SEC61A2: variants seen among roughly 807,000 people sequenced by gnomAD.
The protein encoded by SEC61A2 is SEC61 translocon subunit alpha 2, also known as protein transport protein Sec61 subunit alpha isoform 2.
A neutral mutation model predicts 59.9 loss-of-function variants in SEC61A2; 28 were observed. The observed-to-expected ratio is 0.47, with a 90% CI of 0.35 to 0.64. SEC61A2 has a LOEUF of 0.64. Ranked by LOEUF, SEC61A2 falls within the 30% of genes least tolerant of loss-of-function variation. The pLI, the probability that SEC61A2 is intolerant of heterozygous loss-of-function variation, is 0.01. For synonymous variants in SEC61A2, 202 were observed against 214.4 expected, an observed-to-expected ratio of 0.94 and a Z score of 0.50; for missense variants, 340 against 585.9, an observed-to-expected ratio of 0.58 and a Z score of 4.33.
rs1237561498 is a variant in SEC61A2, at chr10:12,161,217, C to T, written c.1167+96C>T. 13 of 938,718 alleles carry T rather than the reference C, an allele frequency of 1.4e-5. No individual in the cohort carries two copies. The highest frequency in any genetic ancestry group is 8.2e-5 in the Admixed American group (3 of 36,678). 58.1% of individuals were successfully genotyped at this position (938,718 alleles called of 1,614,324 possible). A position where few individuals can be genotyped will look rare whatever the true frequency, so the allele number is the denominator to read the frequency against. ...CTTTGGCAGGCTGAGGCCGCTGGATCGCTTCACCTCAGGAGTTTTGAGACC... is the reference window on the plus strand; with the variant it reads ...CTTTGGCAGGCTGAGGCCGCTGGATTGCTTCACCTCAGGAGTTTTGAGACC... On this transcript the variant is annotated intron_variant, in intron 10 of 11. Transcript: ENST00000298428. The surrounding 1 kb of genome is among the most constrained non-coding windows in gnomAD (Gnocchi z 5.4).
At chr10:12,133,200 C>T (rs1177959413) in intron 1 of SEC61A2, 41 bp from the exon 2 acceptor site, 1 of 1,010,696 alleles carries the variant, frequency 9.9e-7, no homozygotes, top group African/African-American at 1.6e-5. Flanking sequence ...CTTTTTTTAA[C>T]TTCATAATAA....
rs1455319481 is a variant in SEC61A2, at chr10:12,162,642, G to GT, written c.1244+354dup. On this transcript the variant is annotated intron_variant, in intron 11 of 11. Coordinates refer to ENST00000298428, the MANE Select transcript of SEC61A2 (RefSeq NM_018144.4). The surrounding 1 kb of genome is among the most constrained non-coding windows in gnomAD (Gnocchi z 6.1). ...CCAGGCATCAGGGTTTTATTTTTTGGTAACAGCTTTATTGAGATAAAATTC... is the reference window on the plus strand; with the variant it reads ...CCAGGCATCAGGGTTTTATTTTTTGGTTAACAGCTTTATTGAGATAAAATTC... 6.6e-6 allele frequency among the ~76,000 whole-genome samples: 1 copy of GT among 152,062 alleles called. No individual in the cohort carries two copies. Among genetic ancestry groups the GT allele is most frequent in the Admixed American group, 6.5e-5 (1 of 15,270 alleles).
chr10:12,149,979 T>C lies in SEC61A2; in HGVS notation c.462+18T>C, dbSNP rs1358486266. 6.5e-6 allele frequency: 10 copies of C among 1,527,498 alleles called. No individual in the cohort carries two copies. In the Middle Eastern group the frequency reaches 5.1e-4, roughly 77 times the overall value. The allele number at this position is 1,527,498 out of a possible 1,614,324, so 94.6% of individuals were successfully genotyped here. A position where few individuals can be genotyped will look rare whatever the true frequency, so the allele number is the denominator to read the frequency against. ...TCATTCAGGTAAGAAATCCTATATT[T>C]TCCTATGCAGATAACAAAACAGTTT... is the stretch of plus-strand genomic sequence containing the variant. On this transcript the variant is annotated intron_variant, in intron 6 of 11. Transcript: ENST00000298428. The surrounding 1 kb of genome is among the most constrained non-coding windows in gnomAD (Gnocchi z 5.2).
chr10:12,165,093 C>T lies in SEC61A2; in HGVS notation c.*639C>T. ...TCCTCCTTTTCCTTCTCCTCCTCCT[C>T]TCTTCCCAGTGACAGCATCATCGTG... is the stretch of plus-strand genomic sequence containing the variant. On this transcript the variant is annotated 3_prime_UTR_variant, in exon 12 of 12. Coordinates refer to ENST00000298428, the MANE Select transcript of SEC61A2 (RefSeq NM_018144.4). The T allele has an allele frequency of 1.0e-6, 1 of 986,886 alleles. No individual in the cohort carries two copies. Among genetic ancestry groups the T allele is most frequent in the Non-Finnish European group, 1.2e-6 (1 of 830,432 alleles). 61.1% of individuals were successfully genotyped at this position (986,886 alleles called of 1,614,324 possible). A position where few individuals can be genotyped will look rare whatever the true frequency, so the allele number is the denominator to read the frequency against.
At chr10:12,163,736 G>C (rs1834590558) in intron 11 of SEC61A2, among the ~76,000 whole-genome samples, 1 of 152,090 alleles carries the variant, frequency 6.6e-6, no homozygotes, top group Non-Finnish European at 1.5e-5. Flanking sequence ...AGACTGCAGA[G>C]TAGTATGATG....
chr10:12,167,499 T>C, downstream of SEC61A2: 9 of 523,296 alleles, frequency 1.7e-5, no homozygotes, highest in Admixed American at 2.9e-4. Context: ...TCTTTGTTAA[T>C]TTTAGCTGGA....
chr10:12,166,141 G>T (rs1834681205), downstream of SEC61A2: 1 of 151,276 alleles, frequency 6.6e-6, no homozygotes, highest in Admixed American at 6.6e-5. Flanking sequence ...CTCTTAGGAA[G>T]AAGGAGAGGA....
rs538293433 is a variant in SEC61A2 at position 12,145,983 on chromosome 10, C to T, written c.220+2788C>T. On this transcript the variant is annotated intron_variant, in intron 4 of 11. Transcript: ENST00000298428. This position sits in a 1 kb window ranked among gnomAD's most constrained non-coding sequence, Gnocchi z 4.4. ...CAGGGATTGGTGAACATTTTCCATT[C>T]TCTGTGCGATTCAGCTCCACACTCC... is the stretch of plus-strand genomic sequence containing the variant. Among the ~76,000 whole-genome samples, 2 of 152,254 alleles carry T rather than the reference C, an allele frequency of 1.3e-5. No individual in the cohort carries two copies. The highest frequency in any genetic ancestry group is 3.9e-4 in the East Asian group (2 of 5,190).
chr10:12,137,881 A>C (rs142997588), intron 3 of SEC61A2, among the ~76,000 whole-genome samples: 3,579 of 152,094 alleles, frequency 0.024, 79 homozygotes, highest in Non-Finnish European at 0.033. Context: ...TGGCGTGCAC[A>C]TGTAATCCCA....
At chr10:12,144,961 A>G (rs1162077028) in intron 4 of SEC61A2, among the ~76,000 whole-genome samples, 1 of 151,938 alleles carries the variant, frequency 6.6e-6, no homozygotes, top group East Asian at 1.9e-4. Flanking sequence ...AGGTGGGAGG[A>G]TGGCTTGAGC....
In SEC61A2 at chr10:12,155,218, G is replaced by C. The variant is rs1000078891; in HGVS notation, c.463-560G>C. ...CATTTTTACATTGCTGCTCGAGTAC[G>C]TATTTGAGTACATATTTGTGTTCTA... is the stretch of plus-strand genomic sequence containing the variant. On this transcript the variant is annotated intron_variant, in intron 6 of 11. Transcript: ENST00000298428. The surrounding 1 kb of genome is among the most constrained non-coding windows in gnomAD (Gnocchi z 4.3). The C allele has an allele frequency of 1.0e-5, 8 of 800,968 alleles. No individual in the cohort carries two copies. The highest frequency in any genetic ancestry group is 1.2e-5 in the Non-Finnish European group (7 of 570,694). The allele number at this position is 800,968 out of a possible 1,614,324, so 49.6% of individuals were successfully genotyped here. A position where few individuals can be genotyped will look rare whatever the true frequency, so the allele number is the denominator to read the frequency against.
chr10:12,129,700 G>C lies in SEC61A2; in HGVS notation c.-88G>C. The C allele has an allele frequency of 7.6e-7, 1 of 1,308,874 alleles. No individual in the cohort carries two copies. Among genetic ancestry groups the C allele is most frequent in the Non-Finnish European group, 1.0e-6 (1 of 968,108 alleles). The allele number at this position is 1,308,874 out of a possible 1,614,324, so 81.1% of individuals were successfully genotyped here. On this transcript the variant is annotated 5_prime_UTR_variant, in exon 1 of 12. Coordinates refer to ENST00000298428, the MANE Select transcript of SEC61A2 (RefSeq NM_018144.4). This position sits in a 1 kb window ranked among gnomAD's most constrained non-coding sequence, Gnocchi z 5.6. ...GCGCGGGGCCGGTAGGATCGCGTCGGGAGCCGGTACCGAGGCCCGAGCCGC... is the reference window on the plus strand; with the variant it reads ...GCGCGGGGCCGGTAGGATCGCGTCGCGAGCCGGTACCGAGGCCCGAGCCGC...
rs1371054947 is a variant in SEC61A2, at chr10:12,143,282, A to AG, written c.220+90dup. 4 of 917,436 alleles carry AG rather than the reference A, an allele frequency of 4.4e-6. No individual in the cohort carries two copies. Among genetic ancestry groups the AG allele is most frequent in the African/African-American group, 3.2e-5 (2 of 61,584 alleles). 56.8% of individuals were successfully genotyped at this position (917,436 alleles called of 1,614,324 possible). A position where few individuals can be genotyped will look rare whatever the true frequency, so the allele number is the denominator to read the frequency against. On this transcript the variant is annotated intron_variant, in intron 4 of 11. Transcript: ENST00000298428. This position sits in a 1 kb window ranked among gnomAD's most constrained non-coding sequence, Gnocchi z 4.8. ...TTAGCAATGAGTTTTCAATGTCTAC[A>AG]GGGAGGGGGAGGATATCATTGCCTA...
In SEC61A2 at chr10:12,155,494, T is replaced by G. The variant is rs1834375724; in HGVS notation, c.463-284T>G. The G allele has an allele frequency of 1.4e-6, 1 of 738,028 alleles. No individual in the cohort carries two copies. The highest frequency in any genetic ancestry group is 2.1e-5 in the South Asian group (1 of 47,052). The allele number at this position is 738,028 out of a possible 1,614,324, so 45.7% of individuals were successfully genotyped here. A position where few individuals can be genotyped will look rare whatever the true frequency, so the allele number is the denominator to read the frequency against. On this transcript the variant is annotated intron_variant, in intron 6 of 11. Coordinates refer to ENST00000298428, the MANE Select transcript of SEC61A2 (RefSeq NM_018144.4). This position sits in a 1 kb window ranked among gnomAD's most constrained non-coding sequence, Gnocchi z 4.3. ...TTCAGTGTGCTTTTCAAACAGGCTTTATTTAAACATTGCAAAAGAAACTAT... is the reference window on the plus strand; with the variant it reads ...TTCAGTGTGCTTTTCAAACAGGCTTGATTTAAACATTGCAAAAGAAACTAT...
chr10:12,149,627 G>A lies in SEC61A2; in HGVS notation c.253G>A (p.Val85Ile). The change falls in exon 5 of 12, where the codon GTA (valine) becomes ATA (isoleucine). Residue 85 changes from valine to isoleucine, a missense_variant. This residue lies in a region of SEC61A2 where 16 missense variants were observed against 55.0 expected (regional missense o/e 0.29). Coordinates refer to ENST00000298428, the MANE Select transcript of SEC61A2 (RefSeq NM_018144.4). The surrounding 1 kb of genome is among the most constrained non-coding windows in gnomAD (Gnocchi z 5.2). ...AATGGAATTGGGTATCTCCCCAATTGTAACATCTGGTTTGATTATGCAGTT... is the reference window on the plus strand; with the variant it reads ...AATGGAATTGGGTATCTCCCCAATTATAACATCTGGTTTGATTATGCAGTT... ...TLMELGISPIVTSGLIMQLLA... is the reference protein window; with the variant it reads ...TLMELGISPIITSGLIMQLLA... The A allele has an allele frequency of 6.2e-7, 1 of 1,611,404 alleles. No homozygotes were observed. Among genetic ancestry groups the A allele is most frequent in the Non-Finnish European group, 8.5e-7 (1 of 1,179,146 alleles).
In SEC61A2 at chr10:12,162,147, G is replaced by T; in HGVS notation, c.1168-66G>T. 2 of 1,259,810 alleles carry T rather than the reference G, an allele frequency of 1.6e-6. No individual in the cohort carries two copies. The highest frequency in any genetic ancestry group is 2.3e-6 in the Non-Finnish European group (2 of 860,762). 78.0% of individuals were successfully genotyped at this position (1,259,810 alleles called of 1,614,324 possible). On this transcript the variant is annotated intron_variant, in intron 10 of 11. Coordinates refer to ENST00000298428, the MANE Select transcript of SEC61A2 (RefSeq NM_018144.4). This position sits in a 1 kb window ranked among gnomAD's most constrained non-coding sequence, Gnocchi z 6.1. ...TAGTGTGTGGCGAGCACTTCGCATA[G>T]AACGTGGTAGATGTAAGCAGTGAAA...
chr10:12,144,406 A>T (rs557268764), intron 4 of SEC61A2, among the ~76,000 whole-genome samples: 1 of 152,206 alleles, frequency 6.6e-6, no homozygotes. Flanking sequence ...TGTTTACTTA[A>T]TATCTTACAT....
chr10:12,157,133 C>T, intron 8 of SEC61A2, 66 bp downstream of exon 8: 1 of 1,447,414 alleles, frequency 6.9e-7, no homozygotes, highest in South Asian at 1.2e-5. Context: ...AAAGAGAATG[C>T]CATCTGACAT....
intron 6 of SEC61A2, among the ~76,000 whole-genome samples, chr10:12,150,771 A>G (rs1182912283): frequency 6.6e-6 from 1 of 151,700 alleles, no homozygotes; most frequent in Non-Finnish European, 1.5e-5. Context: ...TAGTGTCCTA[A>G]GTATCTTTTT....
Sources: gnomAD v4.1 joint callset for allele counts (sites outside exome capture counted in the v4.1 genomes callset) on GRCh38, gnomAD v4.1.1 for gene constraint, gnomAD v4.1.1 regional missense constraint, Gnocchi (gnomAD v3.1) non-coding constraint, MANE v1.5 for transcripts, NCBI Gene and HGNC (gene_info 2026-07-23, HGNC 2026-07-21) for gene names.